CRHR1: variants seen among roughly 807,000 people sequenced by gnomAD.
The protein encoded by CRHR1 is corticotropin-releasing hormone receptor 1.
CRHR1 carries 28 observed loss-of-function variants against 56.0 expected under a neutral mutation model. The ratio of observed to expected loss-of-function variants is 0.50; its 90% CI spans 0.37 to 0.69. The LOEUF is 0.69. Ranked by LOEUF, CRHR1 falls within the 30% of genes least tolerant of loss-of-function variation. The probability of loss-of-function intolerance (pLI) is 0.00; values close to 1 mark genes in which losing one functional copy is unlikely to be tolerated. For missense variants in CRHR1, 376 were observed against 548.0 expected (o/e 0.69, Z 3.13); for synonymous variants, 195 against 216.5 (o/e 0.90, Z 0.87).
Position 45,806,950 on chromosome 17 carries a change from G to T in CRHR1, c.34-60G>T, listed in dbSNP as rs1017788119. 1.6e-5 allele frequency: 24 copies of T among 1,491,298 alleles called. No homozygotes were observed. In the African/African-American group the frequency reaches 2.6e-4, roughly 16 times the overall value. The allele number at this position is 1,491,298 out of a possible 1,614,324, so 92.4% of individuals were successfully genotyped here. On this transcript the variant is annotated intron_variant, in intron 1 of 12. Transcript: ENST00000314537. ...CCCTGCAGTTTTCCTGGGTGATGGA[G>T]CAACATGCTCATGGCTCATGGCACC...
intron 1 of CRHR1, among the ~76,000 whole-genome samples, chr17:45,795,761 T>G (rs2061506401): frequency 6.6e-6 from 1 of 152,194 alleles, no homozygotes; most frequent in African/African-American, 2.4e-5. Flanking sequence ...CCAGGTCAGG[T>G]GTCAAGCACT....
At chr17:45,819,775 G>C (rs201618014) in intron 3 of CRHR1, among the ~76,000 whole-genome samples, 1 of 152,312 alleles carries the variant, frequency 6.6e-6, no homozygotes, top group East Asian at 1.9e-4. Context: ...TCTCCCACTG[G>C]CCAGCTGTAG....
intron 1 of CRHR1, among the ~76,000 whole-genome samples, chr17:45,791,344 C>T (rs1403651829): frequency 6.6e-6 from 1 of 152,178 alleles, no homozygotes; most frequent in East Asian, 1.9e-4. Context: ...AGGCCCCCTG[C>T]ACTGGGGACC....
intron 1 of CRHR1, among the ~76,000 whole-genome samples, chr17:45,804,851 A>G (rs1227368142): frequency 1.3e-5 from 2 of 150,826 alleles, no homozygotes; most frequent in South Asian, 2.1e-4. Context: ...GTATTACTCT[A>G]TCGCCCAGGC....
chr17:45,786,106 GA>G (rs1488136596), intron 1 of CRHR1, among the ~76,000 whole-genome samples: 3 of 144,600 alleles, frequency 2.1e-5, no homozygotes, highest in Non-Finnish European at 3.0e-5. Context: ...TCAAAGAACT[GA>G]ACTGCGGGTG....
intron 1 of CRHR1, among the ~76,000 whole-genome samples, chr17:45,804,526 C>T (rs961552092): frequency 2.0e-5 from 3 of 151,592 alleles, no homozygotes; most frequent in African/African-American, 7.3e-5. Flanking sequence ...GAGTGGGTAC[C>T]GTGAAAGGGG....
intron 2 of CRHR1, among the ~76,000 whole-genome samples, chr17:45,808,190 G>T (rs1014688248): frequency 6.6e-6 from 1 of 152,234 alleles, no homozygotes; most frequent in Non-Finnish European, 1.5e-5. Flanking sequence ...ATGCATGTGC[G>T]ATGAGGCAGA....
At chr17:45,799,087 C>G (rs12944996) in intron 1 of CRHR1, among the ~76,000 whole-genome samples, 23,858 of 152,198 alleles carry the variant, frequency 0.16, 2,873 homozygotes, top group African/African-American at 0.34. Flanking sequence ...GAAAGGACCC[C>G]TGGCATCTCT....
In CRHR1 at chr17:45,830,594, A is replaced by G. The variant is rs768618052; in HGVS notation, c.709+24A>G. On this transcript the variant is annotated intron_variant, in intron 7 of 12. Transcript: ENST00000314537. ...GGGTGAGCTGGGCAGCCACCTCCGCAGCCTGGGCAGTGGCGGCCGCCGGGC... is the reference window on the plus strand; with the variant it reads ...GGGTGAGCTGGGCAGCCACCTCCGCGGCCTGGGCAGTGGCGGCCGCCGGGC... 9 of 1,586,598 alleles carry G rather than the reference A, an allele frequency of 5.7e-6. No homozygotes were observed. In the South Asian group the frequency reaches 9.1e-5, roughly 16 times the overall value.
rs1412290366 is a variant in CRHR1, at chr17:45,821,360, G to A, written c.247G>A (p.Gly83Ser). Residue 83 changes from glycine to serine, a missense_variant, in exon 4 of 13, where the codon GGC becomes AGC. By Grantham distance (56) the Gly-to-Ser change is moderately conservative (BLOSUM62 0). Coordinates refer to ENST00000314537, the MANE Select transcript of CRHR1 (RefSeq NM_004382.5). Reference sequence around the variant, plus strand: ...CCTCTCTCTTCCTTTTCCAGACAATGGCTACCGGGAGTGCCTGGCCAATGG... The same window carrying A: ...CCTCTCTCTTCCTTTTCCAGACAATAGCTACCGGGAGTGCCTGGCCAATGG... The part of the protein sequence containing the change: ...YGVRYNTTNN[G>S]YRECLANGSW... The A allele has an allele frequency of 1.2e-6, 2 of 1,613,416 alleles. No homozygotes were observed. The highest frequency in any genetic ancestry group is 1.7e-6 in the Non-Finnish European group (2 of 1,180,036).
At position 45,834,969 on chromosome 17, in the gene CRHR1, C is replaced by G; in HGVS notation, c.*205C>G. ...CATGAGTGGAAAGTCACCTACAGGACTGGGCCGGGCCCAGGGCCTCTGGCT... is the reference window on the plus strand; with the variant it reads ...CATGAGTGGAAAGTCACCTACAGGAGTGGGCCGGGCCCAGGGCCTCTGGCT... On this transcript the variant is annotated 3_prime_UTR_variant, in exon 13 of 13. Transcript: ENST00000314537. 1.5e-6 allele frequency: 1 copy of G among 664,818 alleles called. No homozygotes were observed. Among genetic ancestry groups the G allele is most frequent in the South Asian group, 2.1e-5 (1 of 47,076 alleles). The allele number at this position is 664,818 out of a possible 1,614,324, so 41.2% of individuals were successfully genotyped here.
chr17:45,797,496 T>C (rs970946172), intron 1 of CRHR1, among the ~76,000 whole-genome samples: 2 of 151,928 alleles, frequency 1.3e-5, no homozygotes, highest in Non-Finnish European at 2.9e-5. Flanking sequence ...TTCACTGTGG[T>C]CTCAATCTCC....
intron 1 of CRHR1, among the ~76,000 whole-genome samples, chr17:45,791,852 T>TCACACACACACA (rs59855327): frequency 3.4e-4 from 41 of 121,092 alleles, no homozygotes; most frequent in African/African-American, 1.3e-3. Context: ...TCTCTCTCTC[T>TCACACACACACA]CACACACACA....
At chr17:45,833,672 G>T in intron 10 of CRHR1, 42 bp from the exon 11 acceptor site, 1 of 1,603,008 alleles carries the variant, frequency 6.2e-7, no homozygotes, top group Non-Finnish European at 8.5e-7. Flanking sequence ...CCCGTCCTGG[G>T]GTGGGCTGTG....
rs1480067420 is a variant in CRHR1, at chr17:45,833,949, A to T, written c.1066-58A>T. ...GCCAGGGAGAAGCAAGGGGCAGCCCAGAGGCTGGGTGGGCAACACCTGCAG... is the reference window on the plus strand; with the variant it reads ...GCCAGGGAGAAGCAAGGGGCAGCCCTGAGGCTGGGTGGGCAACACCTGCAG... On this transcript the variant is annotated intron_variant, in intron 11 of 12. Transcript: ENST00000314537. 3.1e-6 allele frequency: 5 copies of T among 1,613,506 alleles called. No individual in the cohort carries two copies. The Admixed American group carries it at 8.3e-5, about 27-fold the overall frequency.
At chr17:45,833,693 T>TGGGGGGGGGGGGGC in intron 10 of CRHR1, 21 bp from the exon 11 acceptor site, 10 of 1,571,594 alleles carry the variant, frequency 6.4e-6, no homozygotes, top group Non-Finnish European at 8.7e-6. Flanking sequence ...ACTCCGAGCC[T>TGGGGGGGGGGGGGC]CCCCACCCGC....
intron 2 of CRHR1, among the ~76,000 whole-genome samples, chr17:45,813,906 C>T (rs1030590743): frequency 2.0e-5 from 3 of 152,220 alleles, no homozygotes; most frequent in African/African-American, 7.2e-5. Context: ...CAGCTGTGGA[C>T]GGGGTCAGGC....
chr17:45,829,485 G>T, intron 5 of CRHR1, 164 bp downstream of exon 5: 1 of 1,442,184 alleles, frequency 6.9e-7, no homozygotes. Context: ...CTCTGGCAGA[G>T]CCGCTCTGCC....
chr17:45,832,967 T>C (rs1315016142), intron 8 of CRHR1, among the ~76,000 whole-genome samples, 171 bp from the exon 9 acceptor site: 1 of 152,256 alleles, frequency 6.6e-6, no homozygotes, highest in African/African-American at 2.4e-5. Flanking sequence ...GATGGGACAA[T>C]TGAGGCATGG....
Sources: allele counts gnomAD v4.1 joint callset (sites outside exome capture counted in the v4.1 genomes callset), GRCh38; gene constraint gnomAD v4.1.1; transcripts MANE v1.5; gene names NCBI Gene and HGNC (gene_info 2026-07-23, HGNC 2026-07-21).